Variants in DIP2B observed in about 807,000 individuals in gnomAD.
The protein encoded by DIP2B is DIP2 acetate--CoA ligase B (putative).
In DIP2B, 76 loss-of-function variants were observed where a neutral mutation model predicts 198.0. The ratio of observed to expected loss-of-function variants is 0.38; its 90% CI spans 0.32 to 0.46. The LOEUF is 0.46. Ranked by LOEUF, DIP2B falls within the 20% of genes least tolerant of loss-of-function variation. The pLI is 0.99. For missense variants in DIP2B, 1,559 were observed against 1,978.4 expected (o/e 0.79, Z 4.02); for synonymous variants, 701 against 739.1 (o/e 0.95, Z 0.84).
intron 1 of DIP2B, among the ~76,000 whole-genome samples, chr12:50,620,690 A>T (rs184575944): frequency 6.6e-6 from 1 of 152,240 alleles, no homozygotes; most frequent in African/African-American, 2.4e-5. Context: ...TGCAAATTTT[A>T]TATAGGTATC....
chr12:50,536,890 T>A (rs1479335686), intron 1 of DIP2B, among the ~76,000 whole-genome samples: 1 of 150,872 alleles, frequency 6.6e-6, no homozygotes, highest in Non-Finnish European at 1.5e-5. Flanking sequence ...AATGTTGAAC[T>A]GTCTTAATGC....
At chr12:50,682,675 C>T (rs1939064010) in intron 9 of DIP2B, among the ~76,000 whole-genome samples, 1 of 148,946 alleles carries the variant, frequency 6.7e-6, no homozygotes, top group African/African-American at 2.5e-5. Context: ...CTTATATTGG[C>T]CCTAACATGG....
At position 50,728,625 on chromosome 12, in the gene DIP2B, C is replaced by T; in HGVS notation, c.3588C>T (p.Ala1196=). 6.2e-7 allele frequency: 1 copy of T among 1,614,170 alleles called. No homozygotes were observed. The highest frequency in any genetic ancestry group is 8.5e-7 in the Non-Finnish European group (1 of 1,180,030). The change falls in exon 30 of 38, where the codon GCC becomes GCT. Residue 1196 remains alanine, a synonymous_variant. Transcript: ENST00000301180. ...AGTTGTACTCTTCTCGGCAGATCGC[C>T]ATCTGCCTTGACCCTTACTGTGGAC... is the stretch of plus-strand genomic sequence containing the variant. ...QCELYSSRQI[A]ICLDPYCGLG...
intron 1 of DIP2B, among the ~76,000 whole-genome samples, chr12:50,603,435 T>C (rs534194743): frequency 6.6e-6 from 1 of 152,228 alleles, no homozygotes; most frequent in East Asian, 1.9e-4. Flanking sequence ...TATTTGAGAA[T>C]TGAGTCTTTT....
At chr12:50,588,043 A>G (rs1239785070) in intron 1 of DIP2B, among the ~76,000 whole-genome samples, 4 of 152,212 alleles carry the variant, frequency 2.6e-5, no homozygotes, top group Non-Finnish European at 5.9e-5. Context: ...GCAAAGCTAG[A>G]CTTAAATGCT....
At chr12:50,734,273 T>C (rs1940099463) in intron 33 of DIP2B, 77 bp downstream of exon 33, 1 of 1,450,654 alleles carries the variant, frequency 6.9e-7, no homozygotes, top group Non-Finnish European at 9.6e-7. Flanking sequence ...GCCAGCATTT[T>C]CCCTCATTCC....
chr12:50,622,746 A>T (rs1376584018), intron 1 of DIP2B, among the ~76,000 whole-genome samples: 1 of 152,160 alleles, frequency 6.6e-6, no homozygotes, highest in South Asian at 2.1e-4. Context: ...TGAGTAGCTG[A>T]GACTACAGGC....
At chr12:50,726,861 C>G (rs974415916) in intron 28 of DIP2B, among the ~76,000 whole-genome samples, 1 of 152,024 alleles carries the variant, frequency 6.6e-6, no homozygotes, top group Non-Finnish European at 1.5e-5. Flanking sequence ...GGTTGTAATG[C>G]CAGCACTCTG....
At chr12:50,700,137 C>T (rs116401087) in intron 19 of DIP2B, among the ~76,000 whole-genome samples, 1,546 of 152,172 alleles carry the variant, frequency 0.01, 27 homozygotes, top group African/African-American at 0.036. Flanking sequence ...GCTTGGGGTG[C>T]ATCAGAAAAC....
chr12:50,586,925 C>T (rs1352365253), intron 1 of DIP2B, among the ~76,000 whole-genome samples: 1 of 152,078 alleles, frequency 6.6e-6, no homozygotes, highest in Non-Finnish European at 1.5e-5. Context: ...AAAATTTGCC[C>T]ATATGAAAAC....
intron 1 of DIP2B, among the ~76,000 whole-genome samples, chr12:50,548,553 T>G (rs1958396979): frequency 6.6e-6 from 1 of 152,168 alleles, no homozygotes; most frequent in Admixed American, 6.5e-5. Context: ...TGAGACTGAG[T>G]CTTGCTCTGT....
At chr12:50,677,551 G>A (rs978660886) in intron 7 of DIP2B, among the ~76,000 whole-genome samples, 12 of 152,124 alleles carry the variant, frequency 7.9e-5, no homozygotes, top group Non-Finnish European at 1.5e-4. Flanking sequence ...GGAGGCGGAG[G>A]TTGCAGTGAG....
intron 3 of DIP2B, among the ~76,000 whole-genome samples, chr12:50,643,237 G>C (rs1938290434): frequency 6.6e-6 from 1 of 152,144 alleles, no homozygotes; most frequent in Non-Finnish European, 1.5e-5. Context: ...ACCCAGCTGT[G>C]ATCTGTAGTC....
chr12:50,690,769 A>G lies in DIP2B; in HGVS notation c.1552-280A>G, dbSNP rs1012468066. Among the ~76,000 whole-genome samples, 4 of 152,222 alleles carry G rather than the reference A, an allele frequency of 2.6e-5. No homozygotes were observed. In the South Asian group the frequency reaches 8.3e-4, roughly 32 times the overall value. ...TGTTTCTATTCATATAGCTCCAATC[A>G]CTTGTTTATTTTAGCTTTTGAGCAG... On this transcript the variant is annotated intron_variant, in intron 12 of 37. Coordinates refer to ENST00000301180, the MANE Select transcript of DIP2B (RefSeq NM_173602.3).
At chr12:50,523,274 T>A (rs1328963688) in intron 1 of DIP2B, among the ~76,000 whole-genome samples, 1 of 152,190 alleles carries the variant, frequency 6.6e-6, no homozygotes, top group Non-Finnish European at 1.5e-5. Context: ...TATATACTTG[T>A]ATAGTACCTA....
At chr12:50,716,958 C>CTTTTGTTTTTTTTTTTTTTTTTT (rs1939732059) in intron 23 of DIP2B, among the ~76,000 whole-genome samples, 2 of 58,924 alleles carry the variant, frequency 3.4e-5, no homozygotes, top group African/African-American at 6.2e-5. Context: ...CGAATTGTTG[C>CTTTTGTTTTTTTTTTTTTTTTTT]TTTTTTTTTT....
intron 1 of DIP2B, among the ~76,000 whole-genome samples, chr12:50,517,535 C>T (rs1466512631): frequency 6.6e-6 from 1 of 152,166 alleles, no homozygotes; most frequent in African/African-American, 2.4e-5. Context: ...AGGTCTTTCT[C>T]TACCCTGTCA....
chr12:50,511,126 T>C lies in DIP2B; in HGVS notation c.100+5886T>C, dbSNP rs138593394. On this transcript the variant is annotated intron_variant, in intron 1 of 37. Transcript: ENST00000301180. Reference sequence around the variant, plus strand: ...ATGCCCAGCTAATTTTTTGTGTCTTTAGTAGAGATAGGGTTTCACCAGTTG... The same window carrying C: ...ATGCCCAGCTAATTTTTTGTGTCTTCAGTAGAGATAGGGTTTCACCAGTTG... Among the ~76,000 whole-genome samples the C allele has an allele frequency of 4.7e-3, 705 of 150,980 alleles. 8 individuals carry two copies. Among genetic ancestry groups the C allele is most frequent in the African/African-American group, 0.016 (668 of 41,088 alleles).
At chr12:50,550,041 T>C (rs893889636) in intron 1 of DIP2B, among the ~76,000 whole-genome samples, 6 of 152,178 alleles carry the variant, frequency 3.9e-5, no homozygotes, top group African/African-American at 1.4e-4. Context: ...GCAAGTTAAA[T>C]CTGAGCCTTG....
Sources: allele counts gnomAD v4.1 joint callset (sites outside exome capture counted in the v4.1 genomes callset), GRCh38; gene constraint gnomAD v4.1.1; transcripts MANE v1.5; gene names NCBI Gene and HGNC (gene_info 2026-07-23, HGNC 2026-07-21).